The following SNAPC4 variants were observed in gnomAD, a reference collection of about 807,000 sequenced individuals.
SNAPC4 encodes the protein small nuclear RNA activating complex polypeptide 4.
Under a neutral mutation model 151.3 loss-of-function variants are expected in SNAPC4, and 127 were observed. The observed-to-expected ratio is 0.84, with a 90% confidence interval of 0.73 to 0.97. The LOEUF is 0.97. Among genes scored for constraint, SNAPC4 ranks in the 50% least tolerant of loss-of-function variants. The pLI is 0.00. For missense variants in SNAPC4, 2,186 were observed against 1,935.0 expected (o/e 1.13, Z -2.43); for synonymous variants, 1,002 against 824.4 (o/e 1.22, Z -3.69).
chr9:136,382,443 G>A lies in SNAPC4; in HGVS notation c.1984-107C>T, dbSNP rs1442944052. 1.2e-5 allele frequency: 12 copies of A among 967,802 alleles called. 1 individual carries two copies. The highest frequency in any genetic ancestry group is 1.6e-5 in the Non-Finnish European group (10 of 624,922). The allele number at this position is 967,802 out of a possible 1,614,324, so 60.0% of individuals were successfully genotyped here. A position where few individuals can be genotyped will look rare whatever the true frequency, so the allele number is the denominator to read the frequency against. On this transcript the variant is annotated intron_variant, in intron 16 of 23. Transcript: ENST00000684778. ...TGCCTCTTCACCCAGGCTCCAAAGC[G>A]TGGCTGTGTACAGCTCTGCTCTGCC...
At position 136,384,707 on chromosome 9, in the gene SNAPC4, G is replaced by C; in HGVS notation, c.1420+13C>G. The C allele has an allele frequency of 7.8e-7, 1 of 1,290,134 alleles. No individual in the cohort carries two copies. Among genetic ancestry groups the C allele is most frequent in the East Asian group, 2.4e-5 (1 of 42,500 alleles). The allele number at this position is 1,290,134 out of a possible 1,614,324, so 79.9% of individuals were successfully genotyped here. ...AAAAAAGAAACTAGAAGAACAAACT[G>C]TCAGCAACTTACCGACACCATATTT... On this transcript the variant is annotated intron_variant, in intron 14 of 23. Transcript: ENST00000684778.
At chr9:136,396,914 G>T in intron 3 of SNAPC4, 63 bp downstream of exon 3, 1 of 1,342,958 alleles carries the variant, frequency 7.4e-7, no homozygotes, top group Non-Finnish European at 1.1e-6. Context: ...CCCCTCCCAG[G>T]CTACTTTGGA....
In SNAPC4 at chr9:136,379,853, A is replaced by G. The variant is rs1450219441; in HGVS notation, c.2511T>C (p.Ser837=). The G allele has an allele frequency of 6.2e-7, 1 of 1,613,324 alleles. No homozygotes were observed. The highest frequency in any genetic ancestry group is 8.5e-7 in the Non-Finnish European group (1 of 1,179,724). Residue 837 remains serine, a synonymous_variant, in exon 21 of 24, where the codon AGT becomes AGC. Transcript: ENST00000684778. ...PPVHLLQASS[S]AQSTPGHLFP... is the part of the protein sequence containing the mutation. ...CAGAGTTACCTGGGGTGCTCTGGGC[A>G]CTTGAGGATGCCTGGAAATGAAAGA...
chr9:136,389,750 G>C (rs997653117), intron 10 of SNAPC4, among the ~76,000 whole-genome samples: 8 of 152,182 alleles, frequency 5.3e-5, no homozygotes, highest in African/African-American at 9.7e-5. Context: ...CAAAGGACTG[G>C]GGGGTGGGGC....
chr9:136,386,897 C>T (rs940246383), intron 13 of SNAPC4, among the ~76,000 whole-genome samples: 3 of 152,078 alleles, frequency 2.0e-5, no homozygotes, highest in Non-Finnish European at 4.4e-5. Context: ...GGATTACAGG[C>T]GCCACCCCCA....
At chr9:136,382,398 C>G in intron 16 of SNAPC4, 62 bp from the exon 17 acceptor site, 2 of 1,379,272 alleles carry the variant, frequency 1.5e-6, no homozygotes, top group Middle Eastern at 1.8e-4. Context: ...GGGGCCCTCC[C>G]CTCGCTGCCC....
At position 136,396,575 on chromosome 9, in the gene SNAPC4, C is replaced by T. The variant is rs1588768970; in HGVS notation, c.177+402G>A. On this transcript the variant is annotated intron_variant, in intron 3 of 23. Coordinates refer to ENST00000684778, the MANE Select transcript of SNAPC4 (RefSeq NM_003086.4). ...GCGTCCACAGCCACGTGCCACTGCA[C>T]CAGCTAATTTCTGTATAGCTGCTCG... Among the ~76,000 whole-genome samples the T allele has an allele frequency of 2.0e-5, 3 of 152,324 alleles. No individual in the cohort carries two copies. In the South Asian group the frequency reaches 6.2e-4, roughly 32 times the overall value.
chr9:136,383,238 G>A lies in SNAPC4; in HGVS notation c.1931C>T (p.Ala644Val). 2 of 1,592,446 alleles carry A rather than the reference G, an allele frequency of 1.3e-6. No individual in the cohort carries two copies. The highest frequency in any genetic ancestry group is 1.7e-6 in the Non-Finnish European group (2 of 1,170,274). ...AHGPVPRSAQ[A>V]SHSADTRPAG... ...CGGGCGAGTGTCTGCTGAGTGGGAG[G>A]CCTGGGCAGACCTCGGGACAGGGCC... The change falls in exon 16 of 24, where the codon GCC becomes GTC. Residue 644 changes from alanine (A) to valine (V), a missense_variant. By Grantham distance (64) the Ala-to-Val change is moderately conservative (BLOSUM62 0). Coordinates refer to ENST00000684778, the MANE Select transcript of SNAPC4 (RefSeq NM_003086.4). The surrounding 1 kb of genome is among the most constrained non-coding windows in gnomAD (Gnocchi z 4.2).
At position 136,383,815 on chromosome 9, in the gene SNAPC4, G is replaced by A. The variant is rs889389503; in HGVS notation, c.1500+138C>T. 4 of 1,348,964 alleles carry A rather than the reference G, an allele frequency of 3.0e-6. No individual in the cohort carries two copies. In the African/African-American group the frequency reaches 5.8e-5, roughly 20 times the overall value. 83.6% of individuals were successfully genotyped at this position (1,348,964 alleles called of 1,614,324 possible). A position where few individuals can be genotyped will look rare whatever the true frequency, so the allele number is the denominator to read the frequency against. On this transcript the variant is annotated intron_variant, in intron 15 of 23. Coordinates refer to ENST00000684778, the MANE Select transcript of SNAPC4 (RefSeq NM_003086.4). This position sits in a 1 kb window ranked among gnomAD's most constrained non-coding sequence, Gnocchi z 4.2. ...CGCTGCCGAGGCAGGGTCTCCCTTT[G>A]CCCTTGGCCACCCAGAAGAAGAAAT... is the stretch of plus-strand genomic sequence containing the variant.
Position 136,378,720 on chromosome 9 carries a change from C to T in SNAPC4, c.3107G>A (p.Gly1036Asp). 6.6e-7 allele frequency: 1 copy of T among 1,504,070 alleles called. No individual in the cohort carries two copies. Among genetic ancestry groups the T allele is most frequent in the Non-Finnish European group, 8.9e-7 (1 of 1,126,448 alleles). The allele number at this position is 1,504,070 out of a possible 1,614,324, so 93.2% of individuals were successfully genotyped here. ...SQAPAASRKQ[G>D]LPEAPPFLPA... is the part of the protein sequence containing the mutation. ...GAGAAAGGGTGGCGCCTCAGGCAGG[C>T]CCTGCTTCCGGGATGCAGCGGGGGC... The change falls in exon 22 of 24, where the codon GGC (glycine) becomes GAC (aspartate). Residue 1036 changes from glycine (G) to aspartate (D), a missense_variant. Physicochemically the swap from Gly to Asp is moderately conservative, Grantham distance 94. Coordinates refer to ENST00000684778, the MANE Select transcript of SNAPC4 (RefSeq NM_003086.4).
Position 136,392,661 on chromosome 9 carries a change from G to A in SNAPC4, c.737+12C>T. On this transcript the variant is annotated intron_variant, in intron 8 of 23. Transcript: ENST00000684778. ...TGGGCTCCCCTGGGCCCTCCCGGGA[G>A]GCCCCCCTCACTTGATGTCCTGGAT... is the stretch of plus-strand genomic sequence containing the variant. 1 of 1,613,384 alleles carries A rather than the reference G, an allele frequency of 6.2e-7. No homozygotes were observed. Among genetic ancestry groups the A allele is most frequent in the Non-Finnish European group, 8.5e-7 (1 of 1,179,638 alleles).
chr9:136,387,920 C>CCCTGTTGTCCCT, intron 11 of SNAPC4, 72 bp from the exon 12 acceptor site: 2 of 888,046 alleles, frequency 2.3e-6, no homozygotes, highest in Non-Finnish European at 3.8e-6. Flanking sequence ...CAGCTAGGGA[C>CCCTGTTGTCCCT]AACAGGGTCC....
At chr9:136,376,213 C>T (rs945482696) in intron 23 of SNAPC4, 136 bp downstream of exon 23, 1 of 1,048,694 alleles carries the variant, frequency 9.5e-7, no homozygotes, top group African/African-American at 1.6e-5. Context: ...GCCTCCATGA[C>T]CCTGGACCTG....
intron 18 of SNAPC4, 37 bp downstream of exon 18, chr9:136,381,787 G>A (rs780658206): frequency 2.5e-5 from 39 of 1,588,946 alleles, no homozygotes; most frequent in African/African-American, 2.7e-5. Flanking sequence ...CTCACCCCTC[G>A]CCCCCAGGAT....
In SNAPC4 at chr9:136,395,314, T is replaced by C; in HGVS notation, c.455A>G (p.Asp152Gly). The C allele has an allele frequency of 5.0e-6, 8 of 1,613,574 alleles. No homozygotes were observed. The highest frequency in any genetic ancestry group is 6.8e-6 in the Non-Finnish European group (8 of 1,179,944). ...MGHFMKPYFK[D>G]KVTGVGPPAN... ...GCCACTCACCACGCCCGTGACCTTG[T>C]CCTTGAAATACGGCTTCATGAAGTG... The change falls in exon 5 of 24, where the codon GAC (aspartate) becomes GGC (glycine). Residue 152 changes from aspartate (D) to glycine (G), a missense_variant. Physicochemically the swap from Asp to Gly is moderately conservative, Grantham distance 94. Transcript: ENST00000684778.
Position 136,383,761 on chromosome 9 carries a change from G to T in SNAPC4, c.1501-93C>A. 1.3e-6 allele frequency: 2 copies of T among 1,502,998 alleles called. No individual in the cohort carries two copies. Among genetic ancestry groups the T allele is most frequent in the Non-Finnish European group, 1.8e-6 (2 of 1,108,556 alleles). 93.1% of individuals were successfully genotyped at this position (1,502,998 alleles called of 1,614,324 possible). The stretch of plus-strand genomic sequence containing the variant: ...GCCAGCCCTTTGGGGAGAGGCCCAA[G>T]CGGGGGCGCCTCCGGGGTCAAGAGC... On this transcript the variant is annotated intron_variant, in intron 15 of 23. Coordinates refer to ENST00000684778, the MANE Select transcript of SNAPC4 (RefSeq NM_003086.4). This position sits in a 1 kb window ranked among gnomAD's most constrained non-coding sequence, Gnocchi z 4.2.
chr9:136,387,667 T>C lies in SNAPC4; in HGVS notation c.1230+75A>G. On this transcript the variant is annotated intron_variant, in intron 12 of 23. Transcript: ENST00000684778. ...TGAACCCAGTCAGAGAAGGGACCAC[T>C]GGGGCACAGCAGCCGCTGAACACAG... 2.2e-6 allele frequency: 3 copies of C among 1,370,278 alleles called. No individual in the cohort carries two copies. In the South Asian group the frequency reaches 3.5e-5, roughly 16 times the overall value. 84.9% of individuals were successfully genotyped at this position (1,370,278 alleles called of 1,614,324 possible).
rs370119470 is a variant in SNAPC4 at position 136,392,783 on chromosome 9, A to G, written c.633-6T>C. On this transcript the variant is annotated splice_region_variant and splice_polypyrimidine_tract_variant and intron_variant, in intron 7 of 23. Coordinates refer to ENST00000684778, the MANE Select transcript of SNAPC4 (RefSeq NM_003086.4). The stretch of plus-strand genomic sequence containing the variant: ...TCTGGTGCAAGTACTCGAGCCTGCA[A>G]AGCAGAGCAGAGGCAGAAGGGCTGG... 4.8e-5 allele frequency: 78 copies of G among 1,612,954 alleles called. No homozygotes were observed. In the African/African-American group the frequency reaches 9.5e-4, roughly 20 times the overall value.
intron 1 of SNAPC4, among the ~76,000 whole-genome samples, 158 bp downstream of exon 1, chr9:136,399,976 G>A (rs1001735866): frequency 6.6e-6 from 1 of 152,010 alleles, no homozygotes; most frequent in Non-Finnish European, 1.5e-5. Context: ...TCGGCCGGAC[G>A]GGGGCCACGC....
Sources: allele counts gnomAD v4.1 joint callset (sites outside exome capture counted in the v4.1 genomes callset), GRCh38; gene constraint gnomAD v4.1.1; non-coding constraint Gnocchi (gnomAD v3.1); transcripts MANE v1.5; gene names NCBI Gene and HGNC (gene_info 2026-07-23, HGNC 2026-07-21).